Variants in CSMD3 observed in about 807,000 individuals in gnomAD.
The protein encoded by CSMD3 is CUB and sushi domain-containing protein 3.
Under a neutral mutation model 435.2 loss-of-function variants are expected in CSMD3, and 177 were observed. That is an observed-to-expected ratio of 0.41 (90% CI 0.36 to 0.46). The LOEUF (loss-of-function observed/expected upper bound fraction) is 0.46, where lower values mean the gene tolerates loss of function less well. Among genes scored for constraint, CSMD3 ranks in the 20% least tolerant of loss-of-function variants. CSMD3 has a pLI of 0.34. For synonymous variants in CSMD3, 1,656 were observed against 1,520.5 expected, an observed-to-expected ratio of 1.09 and a Z score of -2.07; for missense variants, 4,265 against 4,504.6, an observed-to-expected ratio of 0.95 and a Z score of 1.52.
intron 9 of CSMD3, among the ~76,000 whole-genome samples, chr8:112,937,350 A>T (rs1331428871): frequency 7.7e-6 from 1 of 129,826 alleles, no homozygotes; most frequent in Non-Finnish European, 1.6e-5. Flanking sequence ...CTAGGTAATA[A>T]TGTTTTTTTT....
At chr8:113,319,081 G>C (rs564112469) in intron 1 of CSMD3, among the ~76,000 whole-genome samples, 2 of 151,964 alleles carry the variant, frequency 1.3e-5, no homozygotes, top group African/African-American at 4.8e-5. Flanking sequence ...GAGTTGCTGG[G>C]TCATATAGTG....
intron 4 of CSMD3, among the ~76,000 whole-genome samples, chr8:113,121,503 G>A (rs1318893735): frequency 6.6e-6 from 1 of 152,026 alleles, no homozygotes; most frequent in Non-Finnish European, 1.5e-5. Flanking sequence ...CTACACCAAG[G>A]GAGCTTCTCC....
chr8:112,333,796 G>C (rs1189064557), intron 45 of CSMD3, among the ~76,000 whole-genome samples: 1 of 151,686 alleles, frequency 6.6e-6, no homozygotes, highest in Non-Finnish European at 1.5e-5. Flanking sequence ...GATATTTATA[G>C]TTCATCAATG....
At chr8:112,927,028 C>CA (rs1446496340) in intron 9 of CSMD3, among the ~76,000 whole-genome samples, 1 of 151,964 alleles carries the variant, frequency 6.6e-6, no homozygotes, top group African/African-American at 2.4e-5. Flanking sequence ...ATTTCTGTAG[C>CA]AAAAAAATCA....
chr8:112,348,836 T>C (rs578189473), intron 40 of CSMD3, among the ~76,000 whole-genome samples: 1 of 152,306 alleles, frequency 6.6e-6, no homozygotes. Context: ...AAAGTAATTT[T>C]TTAAAAAATT....
intron 22 of CSMD3, among the ~76,000 whole-genome samples, chr8:112,620,604 A>G (rs1394060002): frequency 1.3e-5 from 2 of 152,110 alleles, no homozygotes; most frequent in African/African-American, 4.8e-5. Flanking sequence ...TTCAGGGCCA[A>G]GATAGATTGC....
chr8:112,536,221 C>G (rs2131104611), intron 27 of CSMD3, among the ~76,000 whole-genome samples: 1 of 150,774 alleles, frequency 6.6e-6, no homozygotes, highest in East Asian at 2.0e-4. Context: ...AAACTACCAT[C>G]AGAGTGAACA....
chr8:112,935,873 A>G (rs2083265611), intron 9 of CSMD3, among the ~76,000 whole-genome samples: 1 of 152,044 alleles, frequency 6.6e-6, no homozygotes, highest in African/African-American at 2.4e-5. Flanking sequence ...ACAGCAGTAG[A>G]AGAGAGATGG....
Position 112,291,708 on chromosome 8 carries a change from C to T in CSMD3, c.8789-13G>A, listed in dbSNP as rs1819778263. Reference sequence around the variant, plus strand: ...GAACAGTTGACCACTAAACAAATGACAAATTTTGAAACATATGTTTGGAAT... The same window carrying T: ...GAACAGTTGACCACTAAACAAATGATAAATTTTGAAACATATGTTTGGAAT... On this transcript the variant is annotated splice_polypyrimidine_tract_variant and intron_variant, in intron 55 of 70. Transcript: ENST00000297405. 6.3e-7 allele frequency: 1 copy of T among 1,586,342 alleles called. No individual in the cohort carries two copies. The highest frequency in any genetic ancestry group is 1.3e-5 in the African/African-American group (1 of 74,238).
chr8:113,110,417 C>T (rs1401501533), intron 4 of CSMD3, among the ~76,000 whole-genome samples: 1 of 152,168 alleles, frequency 6.6e-6, no homozygotes, highest in African/African-American at 2.4e-5. Flanking sequence ...TTAACCAGAA[C>T]TTCTATCTTT....
In CSMD3 at chr8:113,216,626, TCAG is replaced by T. The variant is rs1219161566; in HGVS notation, c.515-42713_515-42711del. ...GGACAAACAATATAAGTCAAGGTTT[TCAG>T]GATTGAATGACAAAGTATGTAAAAT... On this transcript the variant is annotated intron_variant, in intron 3 of 70. Transcript: ENST00000297405. Among the ~76,000 whole-genome samples, 8 of 151,966 alleles carry T rather than the reference TCAG, an allele frequency of 5.3e-5. No homozygotes were observed. In the Admixed American group the frequency reaches 5.3e-4, roughly 10 times the overall value.
intron 32 of CSMD3, among the ~76,000 whole-genome samples, chr8:112,410,616 G>GTGTATATATATATGTA (rs1554670637): frequency 2.7e-4 from 18 of 67,580 alleles, no homozygotes; most frequent in South Asian, 2.0e-3. Context: ...ATATATATAT[G>GTGTATATATATATGTA]TATATATATG....
intron 1 of CSMD3, among the ~76,000 whole-genome samples, chr8:113,402,616 CATG>C (rs1265086112): frequency 6.6e-6 from 1 of 151,164 alleles, no homozygotes; most frequent in Non-Finnish European, 1.5e-5. Context: ...TCATCATCAT[CATG>C]ATTATTATTC....
At chr8:112,947,729 G>T in intron 9 of CSMD3, 61 bp downstream of exon 9, 2 of 773,324 alleles carry the variant, frequency 2.6e-6, no homozygotes, top group Non-Finnish European at 4.6e-6. Flanking sequence ...CTACTTTAAA[G>T]ATTTAAATTA....
chr8:112,549,169 A>G (rs1827455035), intron 27 of CSMD3, among the ~76,000 whole-genome samples: 1 of 152,066 alleles, frequency 6.6e-6, no homozygotes, highest in South Asian at 2.1e-4. Context: ...AATCTAAAGT[A>G]AAAGCAAGAA....
intron 27 of CSMD3, 65 bp downstream of exon 27, chr8:112,550,606 A>T (rs572943141): frequency 1.2e-6 from 1 of 845,922 alleles, no homozygotes; most frequent in East Asian, 2.5e-5. Flanking sequence ...TGAACAGTAA[A>T]GTTAACATGA....
At chr8:112,488,321 C>T (rs557802777) in intron 31 of CSMD3, among the ~76,000 whole-genome samples, 8 of 152,206 alleles carry the variant, frequency 5.3e-5, no homozygotes, top group South Asian at 2.1e-4. Context: ...AGGTGTTACA[C>T]GCTAAACACG....
chr8:112,672,024 T>A (rs551050837), intron 16 of CSMD3, among the ~76,000 whole-genome samples: 1 of 152,196 alleles, frequency 6.6e-6, no homozygotes, highest in African/African-American at 2.4e-5. Context: ...TGATATTATA[T>A]CTGCCTTCAA....
At chr8:113,053,032 A>T (rs938181873) in intron 5 of CSMD3, among the ~76,000 whole-genome samples, 1 of 152,150 alleles carries the variant, frequency 6.6e-6, no homozygotes, top group South Asian at 2.1e-4. Flanking sequence ...TATCAATAAA[A>T]CAGCCTGTAT....
Sources: gnomAD v4.1 joint callset for allele counts (sites outside exome capture counted in the v4.1 genomes callset) on GRCh38, gnomAD v4.1.1 for gene constraint, MANE v1.5 for transcripts, NCBI Gene and HGNC (gene_info 2026-07-23, HGNC 2026-07-21) for gene names.